The following PABPC4L variants were observed in gnomAD, a reference collection of about 807,000 sequenced individuals.
The protein encoded by PABPC4L is polyadenylate-binding protein 4-like.
For missense variants in PABPC4L, 452 were observed against 451.4 expected, an observed-to-expected ratio of 1.00 and a Z score of -0.01; for synonymous variants, 169 against 164.1, an observed-to-expected ratio of 1.03 and a Z score of -0.23.
At chr4:134,049,086 A>G in the PABPC4L span, among the ~76,000 whole-genome samples, 555 of 152,192 alleles carry the variant, frequency 3.6e-3, 3 homozygotes, top group African/African-American at 0.013. Flanking sequence ...AATTATAATA[A>G]TTAAGTAGCC....
At chr4:134,150,338 C>T in the PABPC4L span, among the ~76,000 whole-genome samples, 2 of 152,050 alleles carry the variant, frequency 1.3e-5, no homozygotes, top group Non-Finnish European at 2.9e-5. Flanking sequence ...CCTGCCTTGG[C>T]CTCCCAAAGT....
chr4:133,997,505 G>GA, the PABPC4L span, among the ~76,000 whole-genome samples: 37 of 143,104 alleles, frequency 2.6e-4, no homozygotes, highest in African/African-American at 5.5e-4. Context: ...TTAAAAAAAA[G>GA]AAAAAAAAAC....
At chr4:134,086,619 C>T in the PABPC4L span, among the ~76,000 whole-genome samples, 1 of 151,850 alleles carries the variant, frequency 6.6e-6, no homozygotes, top group African/African-American at 2.4e-5. Context: ...GGAGATAGTT[C>T]CAGAATATTT....
the PABPC4L span, among the ~76,000 whole-genome samples, chr4:134,029,910 T>G: frequency 6.6e-6 from 1 of 152,014 alleles, no homozygotes; most frequent in East Asian, 1.9e-4. Context: ...GTTGACCCCA[T>G]GCTGCTGTTC....
chr4:134,053,079 C>T, the PABPC4L span, among the ~76,000 whole-genome samples: 1 of 152,062 alleles, frequency 6.6e-6, no homozygotes, highest in Non-Finnish European at 1.5e-5. Context: ...CAAATTAGCA[C>T]TTAGTTGCCT....
the PABPC4L span, among the ~76,000 whole-genome samples, chr4:134,091,727 T>C: frequency 6.6e-6 from 1 of 151,854 alleles, no homozygotes; most frequent in African/African-American, 2.4e-5. Flanking sequence ...CAGAATTGGA[T>C]GTTAAATTTT....
the PABPC4L span, among the ~76,000 whole-genome samples, chr4:133,972,053 A>G: frequency 6.6e-6 from 1 of 152,206 alleles, no homozygotes; most frequent in Non-Finnish European, 1.5e-5. Flanking sequence ...AACCATGCTT[A>G]ACTTTCTGAA....
the PABPC4L span, among the ~76,000 whole-genome samples, chr4:133,953,461 C>G: frequency 1.3e-5 from 2 of 152,138 alleles, no homozygotes; most frequent in African/African-American, 2.4e-5. Flanking sequence ...ATCAGGCCAG[C>G]TTTTAGTTAC....
the PABPC4L span, among the ~76,000 whole-genome samples, chr4:133,961,061 C>G: frequency 6.6e-6 from 1 of 152,160 alleles, no homozygotes; most frequent in Non-Finnish European, 1.5e-5. Flanking sequence ...ACTACCACAG[C>G]TGATGCTCTC....
At chr4:134,004,770 C>T in the PABPC4L span, among the ~76,000 whole-genome samples, 1 of 151,912 alleles carries the variant, frequency 6.6e-6, no homozygotes, top group East Asian at 1.9e-4. Context: ...CAATAGAATA[C>T]TACTGAGATT....
chr4:134,162,487 A>G, the PABPC4L span, among the ~76,000 whole-genome samples: 1 of 152,102 alleles, frequency 6.6e-6, no homozygotes, highest in Non-Finnish European at 1.5e-5. Flanking sequence ...GAAACACTGG[A>G]CTTAAACTGT....
the PABPC4L span, among the ~76,000 whole-genome samples, chr4:134,057,614 C>T: frequency 2.0e-5 from 3 of 152,044 alleles, no homozygotes; most frequent in African/African-American, 7.2e-5. Context: ...TTTCTGACAC[C>T]ACCCTGAAGG....
chr4:134,117,754 T>C, the PABPC4L span, among the ~76,000 whole-genome samples: 2 of 151,666 alleles, frequency 1.3e-5, no homozygotes, highest in Admixed American at 1.3e-4. Flanking sequence ...AATGGCAATA[T>C]AATGCAAAGA....
the PABPC4L span, among the ~76,000 whole-genome samples, chr4:134,046,965 T>G: frequency 6.6e-6 from 1 of 152,156 alleles, no homozygotes; most frequent in African/African-American, 2.4e-5. Flanking sequence ...AACAGTCTGA[T>G]CTCTCTGTCT....
chr4:134,116,131 GCA>G, the PABPC4L span, among the ~76,000 whole-genome samples: 1 of 151,806 alleles, frequency 6.6e-6, no homozygotes, highest in Non-Finnish European at 1.5e-5. Context: ...GGCAGAAGCT[GCA>G]TCAGGGACTG....
chr4:133,988,080 T>C, the PABPC4L span, among the ~76,000 whole-genome samples: 3 of 152,284 alleles, frequency 2.0e-5, no homozygotes, highest in African/African-American at 7.2e-5. Context: ...ACTACCTCCA[T>C]GATTCAATTA....
the PABPC4L span, among the ~76,000 whole-genome samples, chr4:134,021,425 C>G: frequency 6.6e-6 from 1 of 152,108 alleles, no homozygotes; most frequent in Admixed American, 6.6e-5. Flanking sequence ...ATAGCTTGCG[C>G]TTTCAGGTTT....
chr4:134,015,027 A>T, the PABPC4L span, among the ~76,000 whole-genome samples: 1 of 151,838 alleles, frequency 6.6e-6, no homozygotes, highest in African/African-American at 2.4e-5. Flanking sequence ...CCTCCTTTGC[A>T]TCCTCCTCTT....
the PABPC4L span, among the ~76,000 whole-genome samples, chr4:134,141,239 C>T: frequency 6.6e-6 from 1 of 151,582 alleles, no homozygotes; most frequent in African/African-American, 2.4e-5. Flanking sequence ...ACCACCACCC[C>T]TGTGGACAGA....
Sources: allele counts gnomAD v4.1 joint callset (sites outside exome capture counted in the v4.1 genomes callset), GRCh38; gene constraint gnomAD v4.1.1; transcripts MANE v1.5; gene names NCBI Gene and HGNC (gene_info 2026-07-23, HGNC 2026-07-21).